Variants in GRIA1 observed in about 807,000 individuals in gnomAD.
The protein encoded by GRIA1 is glutamate receptor 1.
In GRIA1, 31 loss-of-function variants were observed where a neutral mutation model predicts 99.2. The observed-to-expected ratio is 0.31, with a 90% confidence interval of 0.23 to 0.42. The LOEUF (loss-of-function observed/expected upper bound fraction) is 0.42, where lower values mean the gene tolerates loss of function less well. Ranked by LOEUF, GRIA1 falls within the 10% of genes least tolerant of loss-of-function variation. The probability of loss-of-function intolerance (pLI) is 1.00; values close to 1 mark genes in which losing one functional copy is unlikely to be tolerated. For missense variants in GRIA1, 782 were observed against 1,157.5 expected, an observed-to-expected ratio of 0.68 and a Z score of 4.71; for synonymous variants, 438 against 432.4, an observed-to-expected ratio of 1.01 and a Z score of -0.16.
intron 2 of GRIA1, among the ~76,000 whole-genome samples, chr5:153,585,709 G>A (rs185702277): frequency 6.6e-6 from 1 of 152,188 alleles, no homozygotes; most frequent in East Asian, 1.9e-4. Context: ...TGAATCACCT[G>A]TCCATGCTGA....
At chr5:153,756,386 C>A (rs1026981995) in intron 11 of GRIA1, among the ~76,000 whole-genome samples, 1 of 152,170 alleles carries the variant, frequency 6.6e-6, no homozygotes, top group Non-Finnish European at 1.5e-5. Flanking sequence ...CCTGAGGGGG[C>A]CCAGTCTTGG....
At chr5:153,792,580 A>G (rs1269113269) in intron 13 of GRIA1, among the ~76,000 whole-genome samples, 1 of 152,198 alleles carries the variant, frequency 6.6e-6, no homozygotes. Context: ...AGGAAAGGTA[A>G]CAAAACATAG....
chr5:153,536,585 G>C (rs10463334), intron 2 of GRIA1, among the ~76,000 whole-genome samples: 71,188 of 152,008 alleles, frequency 0.47, 18,315 homozygotes, highest in Non-Finnish European at 0.59. Context: ...CCCCAGCAAA[G>C]TGTGTTGAAT....
At chr5:153,748,195 A>T (rs558318868) in intron 11 of GRIA1, among the ~76,000 whole-genome samples, 2 of 152,376 alleles carry the variant, frequency 1.3e-5, no homozygotes, top group African/African-American at 2.4e-5. Flanking sequence ...AATGAAAAAA[A>T]TAAGAGAAAA....
intron 11 of GRIA1, among the ~76,000 whole-genome samples, chr5:153,730,887 A>C (rs913409060): frequency 5.1e-4 from 77 of 152,080 alleles, no homozygotes; most frequent in Non-Finnish European, 4.7e-4. Context: ...TGATTAAGCC[A>C]AGTGAGCCAA....
intron 15 of GRIA1, among the ~76,000 whole-genome samples, chr5:153,808,866 A>C (rs1478243855): frequency 6.6e-6 from 1 of 152,254 alleles, no homozygotes; most frequent in Non-Finnish European, 1.5e-5. Context: ...CTTGAATACC[A>C]ACTCTAATGA....
chr5:153,567,827 A>G (rs1374184859), intron 2 of GRIA1, among the ~76,000 whole-genome samples: 2 of 152,190 alleles, frequency 1.3e-5, no homozygotes, highest in Non-Finnish European at 2.9e-5. Flanking sequence ...AATAAGGGAA[A>G]GAATAGTAGG....
chr5:153,682,997 A>C (rs978339871), intron 7 of GRIA1, among the ~76,000 whole-genome samples: 1 of 152,180 alleles, frequency 6.6e-6, no homozygotes, highest in Non-Finnish European at 1.5e-5. Context: ...TCCATCTTTC[A>C]TGGAGGGAGT....
At chr5:153,504,331 A>ATT (rs1433401188) in intron 2 of GRIA1, among the ~76,000 whole-genome samples, 1 of 149,180 alleles carries the variant, frequency 6.7e-6, no homozygotes, top group African/African-American at 2.5e-5. Flanking sequence ...ATATATATAT[A>ATT]TTTTTGTCTA....
chr5:153,660,953 A>G (rs1561740604), intron 5 of GRIA1, among the ~76,000 whole-genome samples: 1 of 152,204 alleles, frequency 6.6e-6, no homozygotes, highest in Non-Finnish European at 1.5e-5. Context: ...CTTGGGAACC[A>G]GGACAGTTGG....
chr5:153,586,351 G>A (rs771368942), intron 2 of GRIA1, among the ~76,000 whole-genome samples: 10 of 152,130 alleles, frequency 6.6e-5, no homozygotes, highest in Non-Finnish European at 1.3e-4. Flanking sequence ...ACAATAACTC[G>A]GTTAGGTAGG....
Position 153,701,619 on chromosome 5 carries a change from C to CAAAAAA in GRIA1, c.1452+2564_1452+2569dup, listed in dbSNP as rs70978504. ...CTGGGCGACAAAGCGAGACCCGTCT[C>CAAAAAA]AAAAAAAAAAAAAAAAAAAAAAATA... On this transcript the variant is annotated intron_variant, in intron 10 of 15. Coordinates refer to ENST00000285900, the MANE Select transcript of GRIA1 (RefSeq NM_000827.4). 8.4e-4 allele frequency among the ~76,000 whole-genome samples: 33 copies of CAAAAAA among 39,410 alleles called. 3 individuals are homozygous for CAAAAAA. Among genetic ancestry groups the CAAAAAA allele is most frequent in the Non-Finnish European group, 9.9e-4 (22 of 22,334 alleles). 25.9% of individuals were successfully genotyped at this position (39,410 alleles called of 152,430 possible).
At chr5:153,516,019 G>C (rs1169964992) in intron 2 of GRIA1, among the ~76,000 whole-genome samples, 1 of 152,118 alleles carries the variant, frequency 6.6e-6, no homozygotes, top group Non-Finnish European at 1.5e-5. Context: ...AGGAGATTGA[G>C]ACCATCCTGG....
rs1390961733 is a variant in GRIA1 at position 153,813,804 on chromosome 5, T to A, written c.*2579T>A. The A allele has an allele frequency of 6.6e-6, 1 of 152,248 alleles. No individual in the cohort carries two copies. Among genetic ancestry groups the A allele is most frequent in the Non-Finnish European group, 1.5e-5 (1 of 68,044 alleles). The allele number at this position is 152,248 out of a possible 1,614,324, so 9.4% of individuals were successfully genotyped here. On this transcript the variant is annotated 3_prime_UTR_variant, in exon 16 of 16. Coordinates refer to ENST00000285900, the MANE Select transcript of GRIA1 (RefSeq NM_000827.4). ...TTGTTTTTCTTTCAAATAGCCAGGT[T>A]TTTTTCTTTTGGTATTTGCATAAAA...
intron 2 of GRIA1, among the ~76,000 whole-genome samples, chr5:153,639,066 A>G (rs534754154): frequency 6.6e-6 from 1 of 152,252 alleles, no homozygotes; most frequent in Non-Finnish European, 1.5e-5. Context: ...TGAGCATCCC[A>G]TGTCTGTCGT....
chr5:153,673,361 G>A (rs935005069), intron 5 of GRIA1, among the ~76,000 whole-genome samples: 7 of 152,074 alleles, frequency 4.6e-5, no homozygotes, highest in Admixed American at 3.3e-4. Flanking sequence ...CATTGCTACC[G>A]CAGAGTATAC....
chr5:153,760,763 G>C lies in GRIA1; in HGVS notation c.1824-3671G>C, dbSNP rs530399459. Among the ~76,000 whole-genome samples, 25 of 152,176 alleles carry C rather than the reference G, an allele frequency of 1.6e-4. No homozygotes were observed. The South Asian group carries it at 5.2e-3, about 32-fold the overall frequency. On this transcript the variant is annotated intron_variant, in intron 11 of 15. Coordinates refer to ENST00000285900, the MANE Select transcript of GRIA1 (RefSeq NM_000827.4). ...CAAAGCTAGAAGCACCACACTACCT[G>C]ACTTCAAAATAGTCTACAAAGCTAT...
At chr5:153,491,071 C>T in intron 1 of GRIA1, 101 bp downstream of exon 1, 4 of 1,208,476 alleles carry the variant, frequency 3.3e-6, no homozygotes, top group East Asian at 2.3e-5. Flanking sequence ...GACTGTTTTG[C>T]TTGGCTCCCT....
At chr5:153,591,175 C>G (rs1206892879) in intron 2 of GRIA1, among the ~76,000 whole-genome samples, 1 of 152,192 alleles carries the variant, frequency 6.6e-6, no homozygotes, top group Non-Finnish European at 1.5e-5. Flanking sequence ...CAGACTCCTT[C>G]CCATAATTTT....
Sources: allele counts gnomAD v4.1 joint callset (sites outside exome capture counted in the v4.1 genomes callset), GRCh38; gene constraint gnomAD v4.1.1; transcripts MANE v1.5; gene names NCBI Gene and HGNC (gene_info 2026-07-23, HGNC 2026-07-21).